Variants in AMMECR1 observed in about 807,000 individuals in gnomAD.
AMMECR1 encodes AMMECR nuclear protein 1, also known as nuclear protein AMMECR1.
A neutral mutation model predicts 22.5 loss-of-function variants in AMMECR1; 3 were observed. The ratio of observed to expected loss-of-function variants is 0.13; its 90% CI spans 0.06 to 0.35. The LOEUF (loss-of-function observed/expected upper bound fraction) is 0.35, where lower values mean the gene tolerates loss of function less well. AMMECR1 is among the 10% of genes least tolerant of loss of function. AMMECR1 has a pLI of 1.00. For synonymous variants in AMMECR1, 130 were observed against 116.7 expected (o/e 1.11, Z -0.74); for missense variants, 235 against 278.7 (o/e 0.84, Z 1.12).
intron 2 of AMMECR1, among the ~76,000 whole-genome samples, chrX:110,327,555 G>A (rs1388883222): frequency 1.8e-5 from 2 of 111,277 alleles, no homozygotes; most frequent in African/African-American, 6.5e-5. Context: ...TCAGACTGGA[G>A]TGCACTAAAA....
At chrX:110,222,240 T>C (rs1411693318) in intron 2 of AMMECR1, among the ~76,000 whole-genome samples, 1 of 84,254 alleles carries the variant, frequency 1.2e-5, no homozygotes, top group Non-Finnish European at 2.3e-5. Context: ...ATGTGGCACA[T>C]ATACACCATG....
intron 2 of AMMECR1, among the ~76,000 whole-genome samples, chrX:110,234,284 C>A (rs904469306): frequency 5.4e-5 from 6 of 111,834 alleles, no homozygotes; most frequent in African/African-American, 2.0e-4. Context: ...ATGTGAAGGA[C>A]CTCTTCAAGG....
intron 1 of AMMECR1, among the ~76,000 whole-genome samples, chrX:110,429,474 G>GTT (rs768648303): frequency 1.5e-5 from 1 of 67,842 alleles, no homozygotes; most frequent in African/African-American, 1.0e-4. Context: ...TTTTTTTTTT[G>GTT]TTTTGTTTTT....
intron 2 of AMMECR1, among the ~76,000 whole-genome samples, chrX:110,384,534 TA>T (rs2068441621): frequency 8.9e-6 from 1 of 111,955 alleles, no homozygotes; most frequent in Non-Finnish European, 1.9e-5. Flanking sequence ...GCATTTAACT[TA>T]ATAAATACTT....
chrX:110,198,232 C>G lies in AMMECR1; in HGVS notation c.*288G>C, dbSNP rs1044338643. ...CAGAAAAACAGAAACCTGACTGAGA[C>G]AGCAAAGCAAAATTCTACATAATAT... On this transcript the variant is annotated 3_prime_UTR_variant, in exon 6 of 6. Transcript: ENST00000262844. 1 of 167,493 alleles carries G rather than the reference C, an allele frequency of 6.0e-6. No homozygotes were observed. Among genetic ancestry groups the G allele is most frequent in the Admixed American group, 8.3e-5 (1 of 12,015 alleles). The allele number at this position is 167,493 out of a possible 1,213,427, so 13.8% of individuals were successfully genotyped here.
In AMMECR1 at chrX:110,355,703, C is replaced by T. The variant is rs192290473; in HGVS notation, c.-147-37854G>A. 1.9e-4 allele frequency among the ~76,000 whole-genome samples: 21 copies of T among 111,390 alleles called. No homozygotes were observed. The East Asian group carries it at 5.7e-3, about 30-fold the overall frequency. On this transcript the variant is annotated intron_variant, in intron 2 of 7. Coordinates refer to the AMMECR1 transcript ENST00000372057. ...CTCAAAAAACTAAAAATAGAATTACCGTATGATACAGCAATGTCACTTCTG... is the reference window on the plus strand; with the variant it reads ...CTCAAAAAACTAAAAATAGAATTACTGTATGATACAGCAATGTCACTTCTG...
At chrX:110,432,261 C>T (rs755092434) in intron 1 of AMMECR1, among the ~76,000 whole-genome samples, 58 of 112,410 alleles carry the variant, frequency 5.2e-4, no homozygotes, top group Non-Finnish European at 9.4e-4. Flanking sequence ...TTCATCTCCT[C>T]CTCTCTACCC....
intron 2 of AMMECR1, among the ~76,000 whole-genome samples, chrX:110,253,130 G>A (rs1020958768): frequency 8.9e-6 from 1 of 112,568 alleles, no homozygotes; most frequent in Admixed American, 9.4e-5. Flanking sequence ...CCAAGAGAAT[G>A]AATGGAGGTG....
intron 2 of AMMECR1, among the ~76,000 whole-genome samples, chrX:110,216,927 G>A (rs1046856628): frequency 3.6e-5 from 4 of 110,667 alleles, no homozygotes; most frequent in African/African-American, 1.3e-4. Context: ...GCTACTTGTA[G>A]AATCTAAGAA....
intron 2 of AMMECR1, among the ~76,000 whole-genome samples, chrX:110,357,073 A>G (rs1430280858): frequency 8.9e-6 from 1 of 111,924 alleles, no homozygotes; most frequent in Admixed American, 9.5e-5. Flanking sequence ...AATTTTGCAA[A>G]TAGAAAAATG....
chrX:110,399,566 G>A (rs185787356), intron 2 of AMMECR1, among the ~76,000 whole-genome samples: 18 of 112,171 alleles, frequency 1.6e-4, no homozygotes, highest in African/African-American at 4.2e-4. Flanking sequence ...TGATTTTTTC[G>A]GGCTGTCTCA....
intron 2 of AMMECR1, among the ~76,000 whole-genome samples, chrX:110,397,247 C>T (rs144791140): frequency 0.011 from 1,199 of 111,547 alleles, 10 homozygotes; most frequent in Middle Eastern, 0.023. Flanking sequence ...CCTGATATCC[C>T]ACCCACATTT....
chrX:110,204,379 G>A (rs1041439076), intron 3 of AMMECR1, among the ~76,000 whole-genome samples: 1 of 111,334 alleles, frequency 9.0e-6, no homozygotes, highest in Non-Finnish European at 1.9e-5. Context: ...AATTGTGATA[G>A]GAAGAATGTC....
chrX:110,282,943 C>A (rs1427655056), intron 1 of AMMECR1, among the ~76,000 whole-genome samples: 4 of 111,939 alleles, frequency 3.6e-5, no homozygotes, highest in African/African-American at 9.7e-5. Context: ...ACACTACCAA[C>A]CAAGGATATC....
chrX:110,327,561 TA>T (rs2068102685), intron 2 of AMMECR1, among the ~76,000 whole-genome samples: 1 of 111,032 alleles, frequency 9.0e-6, no homozygotes, highest in African/African-American at 3.3e-5. Context: ...TGGAGTGCAC[TA>T]AAAAGTGAAT....
intron 2 of AMMECR1, among the ~76,000 whole-genome samples, chrX:110,417,900 A>G (rs765309871): frequency 2.8e-4 from 31 of 112,672 alleles, no homozygotes; most frequent in Non-Finnish European, 5.1e-4. Flanking sequence ...ATTTGAAACC[A>G]GGTCATTCCA....
In AMMECR1 at chrX:110,308,520, C is replaced by A. The variant is rs896027551; in HGVS notation, c.473+9079G>T. Reference sequence around the variant, plus strand: ...AGTATACCACAAACCACATATCACCCACCTCATTAGTGTCGGAAAAATAGA... The same window carrying A: ...AGTATACCACAAACCACATATCACCAACCTCATTAGTGTCGGAAAAATAGA... On this transcript the variant is annotated intron_variant, in intron 1 of 5. Coordinates refer to ENST00000262844, the MANE Select transcript of AMMECR1 (RefSeq NM_015365.3). Among the ~76,000 whole-genome samples the A allele has an allele frequency of 3.6e-5, 4 of 111,420 alleles. No homozygotes were observed. In the East Asian group the frequency reaches 1.1e-3, roughly 31 times the overall value.
At chrX:110,432,465 C>T (rs780957161) in intron 1 of AMMECR1, among the ~76,000 whole-genome samples, 5 of 112,124 alleles carry the variant, frequency 4.5e-5, no homozygotes, top group African/African-American at 6.5e-5. Context: ...CTGGAGAAGG[C>T]GCTGTCTGGC....
intron 2 of AMMECR1, among the ~76,000 whole-genome samples, chrX:110,248,879 C>T (rs888661308): frequency 1.8e-5 from 2 of 111,928 alleles, no homozygotes; most frequent in African/African-American, 6.5e-5. Flanking sequence ...AACTAGTATT[C>T]CATGTAAATG....
Sources: allele counts gnomAD v4.1 joint callset (sites outside exome capture counted in the v4.1 genomes callset), GRCh38; gene constraint gnomAD v4.1.1; transcripts MANE v1.5; gene names NCBI Gene and HGNC (gene_info 2026-07-23, HGNC 2026-07-21).